Variants in GRID2 observed in about 807,000 individuals in gnomAD.
GRID2 encodes glutamate ionotropic receptor delta type subunit 2, also known as glutamate receptor ionotropic, delta-2.
Under a neutral mutation model 114.8 loss-of-function variants are expected in GRID2, and 33 were observed. The observed-to-expected ratio is 0.29, with a 90% CI of 0.22 to 0.38. The LOEUF (loss-of-function observed/expected upper bound fraction) is 0.38, where lower values mean the gene tolerates loss of function less well. Ranked by LOEUF, GRID2 falls within the 10% of genes least tolerant of loss-of-function variation. The probability of loss-of-function intolerance (pLI) is 1.00; values close to 1 mark genes in which losing one functional copy is unlikely to be tolerated. For missense variants in GRID2, 1,184 were observed against 1,257.7 expected (o/e 0.94, Z 0.89); for synonymous variants, 505 against 449.9 (o/e 1.12, Z -1.55).
Position 92,351,958 on chromosome 4 carries a change from A to G in GRID2, c.88+47214A>G, listed in dbSNP as rs1413798332. ...CTTGACTGTTGTAAACAGTGCTACA[A>G]TAAATATGGGGGGCAGATATCATTT... On this transcript the variant is annotated intron_variant, in intron 1 of 15. Coordinates refer to ENST00000282020, the MANE Select transcript of GRID2 (RefSeq NM_001510.4). 2.0e-5 allele frequency among the ~76,000 whole-genome samples: 3 copies of G among 152,022 alleles called. 1 individual carries two copies. The highest frequency in any genetic ancestry group is 6.8e-3 in the Middle Eastern group (2 of 294).
chr4:93,710,963 A>G (rs1728429368), intron 14 of GRID2, among the ~76,000 whole-genome samples: 1 of 151,890 alleles, frequency 6.6e-6, no homozygotes, highest in South Asian at 2.1e-4. Flanking sequence ...CCAGGACTGA[A>G]TCTCCCCCTT....
chr4:93,496,085 T>A (rs147083498), intron 12 of GRID2, among the ~76,000 whole-genome samples: 13 of 150,352 alleles, frequency 8.6e-5, no homozygotes, highest in African/African-American at 2.9e-4. Context: ...TTAGACTTAT[T>A]TTTATTCCAT....
intron 2 of GRID2, among the ~76,000 whole-genome samples, chr4:92,939,504 A>G (rs922269244): frequency 4.1e-5 from 6 of 146,992 alleles, no homozygotes; most frequent in South Asian, 2.3e-4. Context: ...ATTTTCTCCC[A>G]TTCTGTAGGT....
intron 2 of GRID2, among the ~76,000 whole-genome samples, chr4:93,029,167 C>T (rs1254274506): frequency 6.6e-6 from 1 of 152,100 alleles, no homozygotes; most frequent in East Asian, 1.9e-4. Flanking sequence ...AGTCCCTATT[C>T]AAGGGTTTTA....
chr4:93,499,378 T>G (rs1560685506), intron 12 of GRID2, among the ~76,000 whole-genome samples: 1 of 151,960 alleles, frequency 6.6e-6, no homozygotes, highest in African/African-American at 2.4e-5. Context: ...AAAAACTTTA[T>G]TATTACTTCA....
chr4:93,806,133 TG>T (rs1428004266), intron 1 of GRID2, among the ~76,000 whole-genome samples: 1 of 152,190 alleles, frequency 6.6e-6, no homozygotes, highest in East Asian at 1.9e-4. Context: ...TATATTCATA[TG>T]GGTAGGCTAA....
chr4:93,545,808 A>G (rs1733157903), intron 13 of GRID2, among the ~76,000 whole-genome samples: 1 of 152,200 alleles, frequency 6.6e-6, no homozygotes, highest in Non-Finnish European at 1.5e-5. Flanking sequence ...TATTTTTCAG[A>G]AAAAAGAGAG....
chr4:92,864,945 G>A (rs1177694969), intron 2 of GRID2, among the ~76,000 whole-genome samples: 1 of 152,042 alleles, frequency 6.6e-6, no homozygotes, highest in East Asian at 1.9e-4. Context: ...ATTTGATACA[G>A]CCAATAGATT....
At chr4:92,866,448 T>C (rs1346899141) in intron 2 of GRID2, among the ~76,000 whole-genome samples, 1 of 152,182 alleles carries the variant, frequency 6.6e-6, no homozygotes, top group Admixed American at 6.5e-5. Flanking sequence ...GCCTAGGAAA[T>C]AAGTGTCCAA....
intron 1 of GRID2, among the ~76,000 whole-genome samples, chr4:92,479,723 A>T (rs1484961254): frequency 6.6e-6 from 1 of 152,144 alleles, no homozygotes; most frequent in Non-Finnish European, 1.5e-5. Context: ...TAATTGATCA[A>T]TAGGAACAAA....
At chr4:92,928,240 G>A (rs1431125182) in intron 2 of GRID2, among the ~76,000 whole-genome samples, 2 of 151,562 alleles carry the variant, frequency 1.3e-5, no homozygotes, top group African/African-American at 4.8e-5. Flanking sequence ...TTCAGCAACA[G>A]GAACTGAAAA....
chr4:92,400,835 G>T (rs1322300964), intron 1 of GRID2, among the ~76,000 whole-genome samples: 1 of 151,852 alleles, frequency 6.6e-6, no homozygotes, highest in Non-Finnish European at 1.5e-5. Flanking sequence ...GATTTACCTT[G>T]CCCTAAAGAC....
chr4:93,103,723 G>C (rs1267800514), intron 3 of GRID2, among the ~76,000 whole-genome samples: 1 of 151,948 alleles, frequency 6.6e-6, no homozygotes, highest in Non-Finnish European at 1.5e-5. Flanking sequence ...TGAGAGGAGA[G>C]AGAATTCATA....
At chr4:92,801,457 A>C (rs1223278770) in intron 2 of GRID2, among the ~76,000 whole-genome samples, 4 of 152,082 alleles carry the variant, frequency 2.6e-5, no homozygotes, top group African/African-American at 9.6e-5. Context: ...CATTAAGGTA[A>C]ACATTGTAAA....
intron 1 of GRID2, among the ~76,000 whole-genome samples, chr4:92,572,209 C>T (rs1012421056): frequency 1.1e-4 from 16 of 151,960 alleles, no homozygotes; most frequent in Non-Finnish European, 1.5e-4. Flanking sequence ...ATATCACCAC[C>T]GATCCCACAG....
intron 2 of GRID2, among the ~76,000 whole-genome samples, chr4:92,989,174 G>A (rs528671972): frequency 6.6e-6 from 1 of 151,326 alleles, no homozygotes; most frequent in African/African-American, 2.4e-5. Flanking sequence ...CTACTCGGGA[G>A]GCTGAGGCAG....
intron 1 of GRID2, among the ~76,000 whole-genome samples, chr4:92,500,454 T>C: frequency 6.6e-6 from 1 of 152,172 alleles, no homozygotes; most frequent in East Asian, 1.9e-4. Flanking sequence ...TCTGTTTAGG[T>C]GGACTTAAGT....
intron 8 of GRID2, among the ~76,000 whole-genome samples, chr4:93,365,451 G>A (rs1186134577): frequency 6.6e-6 from 1 of 152,158 alleles, no homozygotes; most frequent in Non-Finnish European, 1.5e-5. Context: ...ATTTACTAAA[G>A]TTATTTGGTC....
chr4:93,223,872 C>G (rs966046960), intron 6 of GRID2, among the ~76,000 whole-genome samples: 7 of 152,014 alleles, frequency 4.6e-5, no homozygotes, highest in South Asian at 2.1e-4. Flanking sequence ...ACAGTAAAAC[C>G]TTAGCAAAAA....
Sources: gnomAD v4.1 joint callset for allele counts (sites outside exome capture counted in the v4.1 genomes callset) on GRCh38, gnomAD v4.1.1 for gene constraint, MANE v1.5 for transcripts, NCBI Gene and HGNC (gene_info 2026-07-23, HGNC 2026-07-21) for gene names.